ARHGAP15: variants seen among roughly 807,000 people sequenced by gnomAD.
ARHGAP15 encodes the protein rho GTPase-activating protein 15.
ARHGAP15 carries 51 observed loss-of-function variants against 63.7 expected under a neutral mutation model. The observed-to-expected ratio is 0.80, with a 90% confidence interval of 0.64 to 1.01. The LOEUF (loss-of-function observed/expected upper bound fraction) is 1.01. Ranked by LOEUF, ARHGAP15 falls within the 50% of genes least tolerant of loss-of-function variation. ARHGAP15 has a pLI of 0.00. For missense variants in ARHGAP15, 560 were observed against 564.6 expected, an observed-to-expected ratio of 0.99 and a Z score of 0.08; for synonymous variants, 191 against 193.8, an observed-to-expected ratio of 0.99 and a Z score of 0.12.
intron 10 of ARHGAP15, chr2:143,533,432 CCT>C (rs1180456159): frequency 6.6e-6 from 1 of 152,084 alleles, no homozygotes; most frequent in Non-Finnish European, 1.5e-5. Flanking sequence ...ACCTTGAGCC[CCT>C]GTCTGACCTC....
intron 13 of ARHGAP15, among the ~76,000 whole-genome samples, chr2:143,718,392 C>T (rs1028678679): frequency 6.6e-6 from 1 of 152,126 alleles, no homozygotes; most frequent in African/African-American, 2.4e-5. Context: ...GAAGTAGCTA[C>T]AAAACAGTAG....
intron 2 of ARHGAP15, among the ~76,000 whole-genome samples, chr2:143,188,438 G>C (rs1295360223): frequency 6.6e-6 from 1 of 151,546 alleles, no homozygotes; most frequent in Non-Finnish European, 1.5e-5. Flanking sequence ...GCCAAACACT[G>C]AATTATTAAA....
intron 10 of ARHGAP15, among the ~76,000 whole-genome samples, chr2:143,543,264 A>G (rs1039622350): frequency 6.6e-6 from 1 of 151,966 alleles, no homozygotes; most frequent in African/African-American, 2.4e-5. Flanking sequence ...ATATCTCATT[A>G]TTGTTTTAAT....
At chr2:143,255,416 A>G (rs1680369927) in intron 6 of ARHGAP15, among the ~76,000 whole-genome samples, 2 of 152,208 alleles carry the variant, frequency 1.3e-5, no homozygotes, top group Admixed American at 6.6e-5. Context: ...CTCGGAATAG[A>G]TTTATTATTT....
chr2:143,318,537 G>A (rs13003122), intron 6 of ARHGAP15, among the ~76,000 whole-genome samples: 27,110 of 63,670 alleles, frequency 0.43, 3,869 homozygotes, highest in East Asian at 0.56. Context: ...TTTTTTTTTC[G>A]AACAGTCAAT....
intron 8 of ARHGAP15, chr2:143,471,927 G>T (rs1211882585): frequency 6.6e-6 from 1 of 152,194 alleles, no homozygotes; most frequent in African/African-American, 2.4e-5. Flanking sequence ...AAAGCAAAGG[G>T]TCTCCTGCCT....
intron 12 of ARHGAP15, among the ~76,000 whole-genome samples, chr2:143,669,436 C>T (rs1166215622): frequency 6.6e-6 from 1 of 152,182 alleles, no homozygotes; most frequent in African/African-American, 2.4e-5. Context: ...GCCTAGAGTA[C>T]AGCAGATTGA....
At chr2:143,721,568 G>A (rs141251699) in intron 13 of ARHGAP15, among the ~76,000 whole-genome samples, 65 of 152,324 alleles carry the variant, frequency 4.3e-4, no homozygotes, top group African/African-American at 1.5e-3. Flanking sequence ...ATCAAGAGAA[G>A]ACAAGATGGC....
In ARHGAP15 at chr2:143,633,338, A is replaced by G. The variant is rs1347629937; in HGVS notation, c.1138+9071A>G. Among the ~76,000 whole-genome samples the G allele has an allele frequency of 1.8e-4, 27 of 152,166 alleles. 1 individual carries two copies. The highest frequency in any genetic ancestry group is 1.8e-3 in the Admixed American group (27 of 15,264). ...CTTGCACAGGTGTCTTTTTGTAAGA[A>G]TGGTTTAGTGCTAGATGATAAACAA... On this transcript the variant is annotated intron_variant, in intron 12 of 13. Transcript: ENST00000295095.
chr2:143,280,603 C>T lies in ARHGAP15; in HGVS notation c.474+30003C>T, dbSNP rs73962390. On this transcript the variant is annotated intron_variant, in intron 6 of 13. Coordinates refer to ENST00000295095, the MANE Select transcript of ARHGAP15 (RefSeq NM_018460.4). ...AGAGAAGGCAGAAATGGTTTTTCCCCGTATGGTGACAACATGGCTTTTCCT... is the reference window on the plus strand; with the variant it reads ...AGAGAAGGCAGAAATGGTTTTTCCCTGTATGGTGACAACATGGCTTTTCCT... Among the ~76,000 whole-genome samples the T allele has an allele frequency of 6.3e-3, 954 of 152,130 alleles. 13 individuals carry two copies. Among genetic ancestry groups the T allele is most frequent in the African/African-American group, 0.021 (891 of 41,500 alleles).
intron 13 of ARHGAP15, among the ~76,000 whole-genome samples, chr2:143,764,929 A>T (rs2105558199): frequency 6.6e-6 from 1 of 152,272 alleles, no homozygotes; most frequent in Non-Finnish European, 1.5e-5. Context: ...CCTTCAATAC[A>T]GTCTTGCTTT....
chr2:143,177,991 G>T (rs938120320), intron 2 of ARHGAP15, among the ~76,000 whole-genome samples: 2 of 152,078 alleles, frequency 1.3e-5, no homozygotes, highest in African/African-American at 4.8e-5. Flanking sequence ...GCTAAATGTT[G>T]ATAGTTGTAA....
intron 13 of ARHGAP15, among the ~76,000 whole-genome samples, chr2:143,734,679 A>C (rs1685676093): frequency 6.6e-6 from 1 of 152,136 alleles, no homozygotes; most frequent in African/African-American, 2.4e-5. Context: ...TAACTCATAT[A>C]ATTTGATTTA....
At chr2:143,292,437 A>T (rs1682447067) in intron 6 of ARHGAP15, among the ~76,000 whole-genome samples, 1 of 152,034 alleles carries the variant, frequency 6.6e-6, no homozygotes, top group Admixed American at 6.6e-5. Context: ...TTACTGAAAG[A>T]TTTGTATCCT....
chr2:143,326,651 A>G (rs533347858), intron 6 of ARHGAP15, among the ~76,000 whole-genome samples: 1 of 152,230 alleles, frequency 6.6e-6, no homozygotes, highest in South Asian at 2.1e-4. Flanking sequence ...CTATTTTCCA[A>G]TATTATTTCT....
At chr2:143,553,178 C>A (rs987599642) in intron 10 of ARHGAP15, among the ~76,000 whole-genome samples, 1 of 152,246 alleles carries the variant, frequency 6.6e-6, no homozygotes, top group East Asian at 1.9e-4. Context: ...CAAGACTGTA[C>A]CTATATAATT....
intron 6 of ARHGAP15, among the ~76,000 whole-genome samples, chr2:143,368,336 C>T (rs1686388766): frequency 1.3e-5 from 2 of 151,894 alleles, no homozygotes; most frequent in South Asian, 2.1e-4. Context: ...ATCATACACA[C>T]ATTGCCACCT....
At chr2:143,293,770 C>T (rs554999817) in intron 6 of ARHGAP15, among the ~76,000 whole-genome samples, 24 of 152,070 alleles carry the variant, frequency 1.6e-4, no homozygotes, top group African/African-American at 5.3e-4. Context: ...TATTAAGTGT[C>T]AAAAGGATAA....
At chr2:143,735,887 G>T (rs148851040) in intron 13 of ARHGAP15, among the ~76,000 whole-genome samples, 1 of 152,272 alleles carries the variant, frequency 6.6e-6, no homozygotes, top group African/African-American at 2.4e-5. Flanking sequence ...ATTAAGGAGC[G>T]CTGGTGCCTA....
Sources: gnomAD v4.1 joint callset for allele counts (sites outside exome capture counted in the v4.1 genomes callset) on GRCh38, gnomAD v4.1.1 for gene constraint, MANE v1.5 for transcripts, NCBI Gene and HGNC (gene_info 2026-07-23, HGNC 2026-07-21) for gene names.